Variants in HS6ST3 observed in about 807,000 individuals in gnomAD.
HS6ST3 encodes the protein heparan-sulfate 6-O-sulfotransferase 3.
Under a neutral mutation model 36.7 loss-of-function variants are expected in HS6ST3, and 12 were observed. The ratio of observed to expected loss-of-function variants is 0.33; its 90% CI spans 0.21 to 0.53. The LOEUF (loss-of-function observed/expected upper bound fraction) is 0.53, where lower values mean the gene tolerates loss of function less well. Among genes scored for constraint, HS6ST3 ranks in the 20% least tolerant of loss-of-function variants. The pLI, the probability that HS6ST3 is intolerant of heterozygous loss-of-function variation, is 0.95. For synonymous variants in HS6ST3, 240 were observed against 257.5 expected (o/e 0.93, Z 0.65); for missense variants, 584 against 640.9 (o/e 0.91, Z 0.96).
chr13:96,541,726 G>A (rs1339176435), intron 1 of HS6ST3, among the ~76,000 whole-genome samples: 1 of 152,168 alleles, frequency 6.6e-6, no homozygotes, highest in African/African-American at 2.4e-5. Flanking sequence ...CCAGCCAACT[G>A]ATACTCTGTG....
intron 1 of HS6ST3, among the ~76,000 whole-genome samples, chr13:96,693,678 TGATGATTGACTGTA>T (rs1875042517): frequency 6.6e-6 from 1 of 152,172 alleles, no homozygotes; most frequent in African/African-American, 2.4e-5. Context: ...CATGGTAAAA[TGATGATTGACTGTA>T]AGCAGAACCT....
chr13:96,160,668 C>T (rs566140544), intron 1 of HS6ST3, among the ~76,000 whole-genome samples: 1 of 152,278 alleles, frequency 6.6e-6, no homozygotes, highest in South Asian at 2.1e-4. Flanking sequence ...AACAGCTTCC[C>T]TTATAGCTTG....
rs930991358 is a variant in HS6ST3 at position 96,090,606 on chromosome 13, G to T, written c.-257G>T. The stretch of plus-strand genomic sequence containing the variant: ...GAGCGGGCCGGCCCGGGCGCACCCG[G>T]GAGCGCAGGGCGCCCCACGCCGCAG... On this transcript the variant is annotated 5_prime_UTR_variant, in exon 1 of 2. Coordinates refer to ENST00000376705, the MANE Select transcript of HS6ST3 (RefSeq NM_153456.4). Among the ~76,000 whole-genome samples the T allele has an allele frequency of 6.9e-6, 1 of 145,782 alleles. No individual in the cohort carries two copies. Among genetic ancestry groups the T allele is most frequent in the Non-Finnish European group, 1.5e-5 (1 of 65,650 alleles).
intron 1 of HS6ST3, among the ~76,000 whole-genome samples, chr13:96,622,444 A>G (rs1323966306): frequency 1.3e-5 from 2 of 152,050 alleles, no homozygotes; most frequent in African/African-American, 4.8e-5. Flanking sequence ...AGTCTGACTA[A>G]TTTTTACTTT....
At chr13:96,224,723 A>G (rs1258809957) in intron 1 of HS6ST3, among the ~76,000 whole-genome samples, 1 of 152,226 alleles carries the variant, frequency 6.6e-6, no homozygotes, top group Non-Finnish European at 1.5e-5. Context: ...AAGGAGACAG[A>G]GTTAGAATTA....
intron 1 of HS6ST3, among the ~76,000 whole-genome samples, chr13:96,722,270 A>AAAAG (rs977083122): frequency 2.0e-5 from 3 of 152,222 alleles, no homozygotes; most frequent in Non-Finnish European, 4.4e-5. Context: ...GTCTAAAAAA[A>AAAAG]AAAGAAAGAA....
rs532267281 is a variant in HS6ST3 at position 96,696,114 on chromosome 13, T to G, written c.708-136376T>G. ...GAGATATGTATTAAGAAATGTATTT[T>G]AAGGAATTGGCTTACTTGACCGTGG... On this transcript the variant is annotated intron_variant, in intron 1 of 1. Coordinates refer to ENST00000376705, the MANE Select transcript of HS6ST3 (RefSeq NM_153456.4). 7.6e-4 allele frequency among the ~76,000 whole-genome samples: 116 copies of G among 152,294 alleles called. 2 individuals are homozygous for G. Among genetic ancestry groups the G allele is most frequent in the Middle Eastern group, 3.4e-3 (1 of 294 alleles).
intron 1 of HS6ST3, among the ~76,000 whole-genome samples, chr13:96,498,690 G>C (rs190536429): frequency 1.3e-5 from 2 of 152,250 alleles, no homozygotes; most frequent in Non-Finnish European, 2.9e-5. Flanking sequence ...GTCACCCTTT[G>C]TAATGTCACT....
intron 1 of HS6ST3, among the ~76,000 whole-genome samples, chr13:96,741,431 C>G (rs1876437164): frequency 6.6e-6 from 1 of 152,140 alleles, no homozygotes; most frequent in Non-Finnish European, 1.5e-5. Context: ...ACTGCACTTC[C>G]AAGACCTTGT....
chr13:96,657,445 T>C (rs1009324598), intron 1 of HS6ST3, among the ~76,000 whole-genome samples: 1 of 152,068 alleles, frequency 6.6e-6, no homozygotes, highest in African/African-American at 2.4e-5. Context: ...CGCTTGAACC[T>C]GGGAGGTCAA....
At chr13:96,604,295 A>G (rs899926605) in intron 1 of HS6ST3, among the ~76,000 whole-genome samples, 1 of 152,144 alleles carries the variant, frequency 6.6e-6, no homozygotes, top group Non-Finnish European at 1.5e-5. Context: ...AGTGGAAACA[A>G]TTTTCTACTT....
chr13:96,632,569 AC>A (rs889554166), intron 1 of HS6ST3, among the ~76,000 whole-genome samples: 2 of 152,150 alleles, frequency 1.3e-5, no homozygotes, highest in African/African-American at 4.8e-5. Flanking sequence ...CAAAGCAGCA[AC>A]CCTTGGATAC....
intron 1 of HS6ST3, among the ~76,000 whole-genome samples, chr13:96,289,598 A>C (rs2054819688): frequency 6.6e-6 from 1 of 152,218 alleles, no homozygotes; most frequent in Admixed American, 6.6e-5. Flanking sequence ...CTAAATTAAA[A>C]AATAAAATTC....
intron 1 of HS6ST3, among the ~76,000 whole-genome samples, chr13:96,780,158 G>T (rs552481911): frequency 1.3e-5 from 2 of 152,266 alleles, no homozygotes; most frequent in East Asian, 1.9e-4. Flanking sequence ...AAGTGAACAG[G>T]TATCAGAGAC....
intron 1 of HS6ST3, among the ~76,000 whole-genome samples, chr13:96,123,556 T>G (rs1327861881): frequency 6.6e-6 from 1 of 152,192 alleles, no homozygotes; most frequent in African/African-American, 2.4e-5. Context: ...CTTTGTCTTA[T>G]GTCAACTCAT....
chr13:96,823,136 G>C (rs1164284720), intron 1 of HS6ST3, among the ~76,000 whole-genome samples: 1 of 152,196 alleles, frequency 6.6e-6, no homozygotes, highest in Non-Finnish European at 1.5e-5. Flanking sequence ...ATGATGTCAG[G>C]CCTCATGGAA....
chr13:96,393,878 C>A (rs367883330), intron 1 of HS6ST3, among the ~76,000 whole-genome samples: 1 of 152,076 alleles, frequency 6.6e-6, no homozygotes, highest in Non-Finnish European at 1.5e-5. Flanking sequence ...AATTTAACTA[C>A]CCCAGTATTT....
At chr13:96,504,028 T>A (rs1477099516) in intron 1 of HS6ST3, among the ~76,000 whole-genome samples, 2 of 152,162 alleles carry the variant, frequency 1.3e-5, no homozygotes, top group African/African-American at 2.4e-5. Flanking sequence ...TAATCCCATC[T>A]ATGAGGGCTC....
chr13:96,112,492 G>C (rs1200181591), intron 1 of HS6ST3, among the ~76,000 whole-genome samples: 1 of 148,664 alleles, frequency 6.7e-6, no homozygotes, highest in Non-Finnish European at 1.5e-5. Flanking sequence ...CAGCACTTTG[G>C]GAGACTGAGG....
Sources: allele counts gnomAD v4.1 joint callset (sites outside exome capture counted in the v4.1 genomes callset), GRCh38; gene constraint gnomAD v4.1.1; transcripts MANE v1.5; gene names NCBI Gene and HGNC (gene_info 2026-07-23, HGNC 2026-07-21).